NIBAN1: variants seen among roughly 807,000 people sequenced by gnomAD.
NIBAN1 encodes the protein protein Niban 1.
A neutral mutation model predicts 75.1 loss-of-function variants in NIBAN1; 81 were observed. The observed-to-expected ratio is 1.08, with a 90% CI of 0.90 to 1.30. NIBAN1 has a LOEUF of 1.30. Among genes scored for constraint, NIBAN1 ranks in the 50% most tolerant of loss-of-function variants. The pLI is 0.00. For missense variants in NIBAN1, 1,133 were observed against 1,128.1 expected, an observed-to-expected ratio of 1.00 and a Z score of -0.06; for synonymous variants, 436 against 424.8, an observed-to-expected ratio of 1.03 and a Z score of -0.32.
Position 184,943,168 on chromosome 1 carries a change from A to G in NIBAN1, c.55+31134T>C, listed in dbSNP as rs202110658. Among the ~76,000 whole-genome samples the G allele has an allele frequency of 1.1e-4, 16 of 152,332 alleles. No individual in the cohort carries two copies. The East Asian group carries it at 3.1e-3, about 29-fold the overall frequency. On this transcript the variant is annotated intron_variant, in intron 1 of 13. Coordinates refer to ENST00000367511, the MANE Select transcript of NIBAN1 (RefSeq NM_052966.4). ...CCTGACCTCAAGTCAAGACACTTCG[A>G]TTTAGATGTCTGTGAAGAACCCTTC...
intron 5 of NIBAN1, among the ~76,000 whole-genome samples, chr1:184,853,234 C>T (rs535114059): frequency 4.6e-5 from 7 of 152,142 alleles, no homozygotes; most frequent in East Asian, 1.9e-4. Flanking sequence ...CTTACTATTT[C>T]GGGTGTTTAT....
chr1:184,898,767 T>C (rs1023351987), intron 2 of NIBAN1, among the ~76,000 whole-genome samples: 1 of 152,240 alleles, frequency 6.6e-6, no homozygotes, highest in Non-Finnish European at 1.5e-5. Flanking sequence ...TCTTGGACTA[T>C]AGCCTAGCAC....
At chr1:184,805,876 T>C (rs1557870889) in intron 11 of NIBAN1, 70 bp downstream of exon 11, 2 of 1,243,780 alleles carry the variant, frequency 1.6e-6, no homozygotes, top group Non-Finnish European at 2.3e-6. Flanking sequence ...CTTGGTATTT[T>C]CCACTTTACA....
intron 1 of NIBAN1, among the ~76,000 whole-genome samples, chr1:184,936,036 A>C (rs1255247074): frequency 1.3e-5 from 2 of 151,780 alleles, no homozygotes; most frequent in African/African-American, 4.8e-5. Context: ...AAAAAAAAAA[A>C]CAGGGGAAAC....
chr1:184,827,246 CAG>C (rs140132496), intron 6 of NIBAN1, among the ~76,000 whole-genome samples: 3,847 of 152,116 alleles, frequency 0.025, 123 homozygotes, highest in African/African-American at 0.077. Flanking sequence ...GAGTGGGGCT[CAG>C]GGAATAGCCA....
chr1:184,806,128 G>A (rs1654192084), intron 10 of NIBAN1, 72 bp from the exon 11 acceptor site: 1 of 1,264,728 alleles, frequency 7.9e-7, no homozygotes, highest in South Asian at 1.2e-5. Context: ...GCCTGGCTAA[G>A]TGGGACTGCA....
At chr1:184,859,445 C>A (rs900360996) in intron 5 of NIBAN1, among the ~76,000 whole-genome samples, 14 of 152,126 alleles carry the variant, frequency 9.2e-5, no homozygotes, top group Non-Finnish European at 1.8e-4. Flanking sequence ...GGCAGTGGGA[C>A]ATAGGATCTC....
At chr1:184,970,260 C>T (rs1658902076) in intron 1 of NIBAN1, among the ~76,000 whole-genome samples, 1 of 151,888 alleles carries the variant, frequency 6.6e-6, no homozygotes, top group South Asian at 2.1e-4. Flanking sequence ...CTAACTTTCT[C>T]ATCATAGTAT....
chr1:184,820,460 C>T (rs1475747519), intron 8 of NIBAN1, among the ~76,000 whole-genome samples: 2 of 152,214 alleles, frequency 1.3e-5, no homozygotes, highest in Admixed American at 6.5e-5. Flanking sequence ...TGCTCATAAA[C>T]ATCCTACTCC....
At chr1:184,912,277 T>C (rs1424045719) in intron 1 of NIBAN1, among the ~76,000 whole-genome samples, 1 of 152,208 alleles carries the variant, frequency 6.6e-6, no homozygotes, top group Non-Finnish European at 1.5e-5. Flanking sequence ...CTCTCACATA[T>C]TTCCTCTCTT....
chr1:184,844,559 A>T (rs1397292950), intron 5 of NIBAN1, among the ~76,000 whole-genome samples: 2 of 152,242 alleles, frequency 1.3e-5, no homozygotes, highest in Non-Finnish European at 2.9e-5. Context: ...GAAGAAGTTT[A>T]TGTCATTGCC....
At chr1:184,944,575 G>A (rs1658177445) in intron 1 of NIBAN1, among the ~76,000 whole-genome samples, 1 of 152,256 alleles carries the variant, frequency 6.6e-6, no homozygotes, top group South Asian at 2.1e-4. Context: ...TGGAGTACAT[G>A]TCATGAGGAC....
chr1:184,938,355 G>A (rs1056547001), intron 1 of NIBAN1, among the ~76,000 whole-genome samples: 3 of 152,030 alleles, frequency 2.0e-5, no homozygotes, highest in African/African-American at 4.8e-5. Context: ...AATGGAGAGG[G>A]AAGAGATAAG....
At chr1:184,809,527 T>G (rs982593014) in intron 9 of NIBAN1, among the ~76,000 whole-genome samples, 1 of 151,988 alleles carries the variant, frequency 6.6e-6, no homozygotes, top group African/African-American at 2.4e-5. Context: ...TTTTTTAACA[T>G]GAGAAATGTA....
intron 4 of NIBAN1, among the ~76,000 whole-genome samples, chr1:184,888,620 C>T (rs900739060): frequency 2.0e-5 from 3 of 152,134 alleles, no homozygotes; most frequent in Non-Finnish European, 2.9e-5. Flanking sequence ...ATTAAAATGC[C>T]CCAATCTGAA....
chr1:184,843,702 A>C (rs1277087935), intron 5 of NIBAN1, among the ~76,000 whole-genome samples: 3 of 152,192 alleles, frequency 2.0e-5, no homozygotes, highest in Non-Finnish European at 2.9e-5. Context: ...GTGCAAAACT[A>C]TCTCCCAATC....
intron 9 of NIBAN1, among the ~76,000 whole-genome samples, chr1:184,809,647 A>G (rs1654317204): frequency 7.0e-6 from 1 of 142,488 alleles, no homozygotes; most frequent in Admixed American, 7.0e-5. Context: ...GTGTGTATAT[A>G]TATATACACA....
chr1:184,906,268 AACAC>A (rs35005865), intron 1 of NIBAN1, among the ~76,000 whole-genome samples: 1 of 149,634 alleles, frequency 6.7e-6, no homozygotes, highest in Non-Finnish European at 1.5e-5. Flanking sequence ...AAAATAAATG[AACAC>A]ACACACACAC....
chr1:184,874,422 T>C (rs1656183099), intron 5 of NIBAN1, among the ~76,000 whole-genome samples: 1 of 152,052 alleles, frequency 6.6e-6, no homozygotes, highest in African/African-American at 2.4e-5. Context: ...ATCTCTTAAA[T>C]GATACACATC....
Sources: allele counts gnomAD v4.1 joint callset (sites outside exome capture counted in the v4.1 genomes callset), GRCh38; gene constraint gnomAD v4.1.1; transcripts MANE v1.5; gene names NCBI Gene and HGNC (gene_info 2026-07-23, HGNC 2026-07-21).